DAB1: variants seen among roughly 807,000 people sequenced by gnomAD.
DAB1 encodes DAB adaptor protein 1.
In DAB1, 15 loss-of-function variants were observed where a neutral mutation model predicts 64.6. That is an observed-to-expected ratio of 0.23 (90% CI 0.16 to 0.36). The LOEUF (loss-of-function observed/expected upper bound fraction) is 0.36, where lower values mean the gene tolerates loss of function less well. Among genes scored for constraint, DAB1 ranks in the 10% least tolerant of loss-of-function variants. The probability of loss-of-function intolerance (pLI) is 1.00; values close to 1 mark genes in which losing one functional copy is unlikely to be tolerated. For missense variants in DAB1, 596 were observed against 706.7 expected, an observed-to-expected ratio of 0.84 and a Z score of 1.78; for synonymous variants, 235 against 251.9, an observed-to-expected ratio of 0.93 and a Z score of 0.64.
At chr1:57,087,055 G>A (rs1653158098) in intron 4 of DAB1, among the ~76,000 whole-genome samples, 2 of 152,304 alleles carry the variant, frequency 1.3e-5, no homozygotes, top group Non-Finnish European at 2.9e-5. Context: ...GTGACTGAGA[G>A]GGATCTGAGA....
At chr1:58,373,127 T>A (rs1644283296) in intron 3 of DAB1, among the ~76,000 whole-genome samples, 1 of 152,046 alleles carries the variant, frequency 6.6e-6, no homozygotes, top group Admixed American at 6.5e-5. Context: ...TTAATAAAGT[T>A]TACTAATACT....
chr1:57,441,272 CTCTTTCTT>C (rs60171938), intron 7 of DAB1, among the ~76,000 whole-genome samples: 1,152 of 72,568 alleles, frequency 0.016, 16 homozygotes, highest in African/African-American at 0.032. Flanking sequence ...TTCTTTCTTT[CTCTTTCTT>C]TCTTTCTTTC....
At chr1:57,769,475 TGTAGGAA>T (rs1649462946) in intron 6 of DAB1, among the ~76,000 whole-genome samples, 1 of 152,092 alleles carries the variant, frequency 6.6e-6, no homozygotes. Context: ...TAATCAAACA[TGTAGGAA>T]GCTTAAGAAT....
At chr1:57,289,897 G>C (rs1370919279) in intron 2 of DAB1, among the ~76,000 whole-genome samples, 1 of 151,830 alleles carries the variant, frequency 6.6e-6, no homozygotes, top group Non-Finnish European at 1.5e-5. Context: ...AATTGGCAGG[G>C]GTGAAGCTTA....
chr1:58,294,374 A>C (rs954954176), intron 4 of DAB1, among the ~76,000 whole-genome samples: 1 of 152,198 alleles, frequency 6.6e-6, no homozygotes, highest in Non-Finnish European at 1.5e-5. Context: ...ATTTTAATTC[A>C]ACTCCTACAT....
chr1:57,789,139 C>T (rs1296147820), intron 6 of DAB1, among the ~76,000 whole-genome samples: 1 of 152,092 alleles, frequency 6.6e-6, no homozygotes, highest in Non-Finnish European at 1.5e-5. Flanking sequence ...ACAACCTGCC[C>T]CCAGGGAAAA....
chr1:57,353,721 TCTC>T (rs1329302932), intron 1 of DAB1, among the ~76,000 whole-genome samples: 1 of 152,110 alleles, frequency 6.6e-6, no homozygotes, highest in Non-Finnish European at 1.5e-5. Context: ...CTGGTGGACT[TCTC>T]CACGTTGCTT....
intron 2 of DAB1, among the ~76,000 whole-genome samples, chr1:57,233,881 G>T (rs1423997408): frequency 6.6e-6 from 1 of 152,154 alleles, no homozygotes; most frequent in Non-Finnish European, 1.5e-5. Flanking sequence ...GGCACTGGGA[G>T]CTGATTCATA....
chr1:57,813,394 C>G (rs1297626101), intron 6 of DAB1, among the ~76,000 whole-genome samples: 1 of 152,200 alleles, frequency 6.6e-6, no homozygotes, highest in African/African-American at 2.4e-5. Context: ...TCAAATATCT[C>G]AAACATCGAG....
At chr1:57,816,611 C>T (rs1215672115) in intron 6 of DAB1, among the ~76,000 whole-genome samples, 1 of 152,178 alleles carries the variant, frequency 6.6e-6, no homozygotes, top group Non-Finnish European at 1.5e-5. Context: ...TTCAAGTGTT[C>T]ATCAGCCAGT....
At chr1:57,326,931 A>AT (rs1558172444) in intron 1 of DAB1, among the ~76,000 whole-genome samples, 308 of 150,048 alleles carry the variant, frequency 2.1e-3, no homozygotes, top group Middle Eastern at 6.9e-3. Context: ...ACAGAGCACT[A>AT]TTATTTATTT....
At chr1:57,812,973 T>C (rs1015114561) in intron 6 of DAB1, among the ~76,000 whole-genome samples, 5 of 152,148 alleles carry the variant, frequency 3.3e-5, no homozygotes, top group African/African-American at 1.2e-4. Context: ...CGTATAAAAC[T>C]CAATCTTCAA....
chr1:57,819,878 A>G (rs1038788534), intron 6 of DAB1, among the ~76,000 whole-genome samples: 2 of 152,246 alleles, frequency 1.3e-5, no homozygotes, highest in Non-Finnish European at 2.9e-5. Context: ...GCTGACCCAG[A>G]TTTCAGAATT....
intron 1 of DAB1, among the ~76,000 whole-genome samples, chr1:57,351,671 C>A (rs907199620): frequency 6.6e-6 from 1 of 152,012 alleles, no homozygotes; most frequent in African/African-American, 2.4e-5. Flanking sequence ...CACAAGCATG[C>A]ATGCATGTGC....
intron 4 of DAB1, among the ~76,000 whole-genome samples, chr1:57,086,835 A>G (rs1023364603): frequency 6.6e-6 from 1 of 152,056 alleles, no homozygotes; most frequent in Non-Finnish European, 1.5e-5. Context: ...GCTTTATAAC[A>G]CCTGACGGTG....
intron 1 of DAB1, chr1:57,878,302 A>C (rs541465176): frequency 3.3e-5 from 5 of 152,338 alleles, no homozygotes; most frequent in South Asian, 4.1e-4. Context: ...TTTAGGATCG[A>C]ATACCATAAG....
intron 3 of DAB1, among the ~76,000 whole-genome samples, chr1:58,430,879 C>T (rs564064891): frequency 2.6e-5 from 4 of 152,254 alleles, no homozygotes; most frequent in South Asian, 4.2e-4. Flanking sequence ...GAGAGCAAGC[C>T]GCATCTGGAG....
chr1:57,214,910 CAAAAAAA>C (rs56175448), intron 2 of DAB1, among the ~76,000 whole-genome samples: 2 of 58,744 alleles, frequency 3.4e-5, no homozygotes, highest in African/African-American at 1.4e-4. Flanking sequence ...GATTCCCTCT[CAAAAAAA>C]AAAAAAAAAA....
chr1:57,928,114 T>C (rs753559450), intron 5 of DAB1, among the ~76,000 whole-genome samples: 4 of 152,218 alleles, frequency 2.6e-5, no homozygotes, highest in Non-Finnish European at 5.9e-5. Context: ...ACAAATTCTA[T>C]GTGAACATTC....
Sources: allele counts gnomAD v4.1 joint callset (sites outside exome capture counted in the v4.1 genomes callset), GRCh38; gene constraint gnomAD v4.1.1; transcripts MANE v1.5; gene names NCBI Gene and HGNC (gene_info 2026-07-23, HGNC 2026-07-21).